Variants in IFNAR1 observed in about 807,000 individuals in gnomAD.
The protein encoded by IFNAR1 is interferon alpha and beta receptor subunit 1.
Under a neutral mutation model 62.1 loss-of-function variants are expected in IFNAR1, and 47 were observed. The ratio of observed to expected loss-of-function variants is 0.76; its 90% CI spans 0.60 to 0.97. The LOEUF (loss-of-function observed/expected upper bound fraction) is 0.97. IFNAR1 is among the 50% of genes least tolerant of loss of function. The pLI is 0.00. For missense variants in IFNAR1, 638 were observed against 654.5 expected (o/e 0.97, Z 0.27); for synonymous variants, 219 against 226.9 (o/e 0.97, Z 0.31).
rs1257542209 is a variant in IFNAR1, at chr21:33,359,509, G to C, written c.*3960G>C. The C allele has an allele frequency of 6.6e-6, 1 of 152,138 alleles. No homozygotes were observed. The highest frequency in any genetic ancestry group is 6.5e-5 in the Admixed American group (1 of 15,272). The allele number at this position is 152,138 out of a possible 1,614,324, so 9.4% of individuals were successfully genotyped here. ...AGCCTGTTTGCTGCTTTTTCTTCCC[G>C]CTCTTAAGACATGGCTGGAGCTCAG... On this transcript the variant is annotated 3_prime_UTR_variant, in exon 11 of 11. Coordinates refer to ENST00000270139, the MANE Select transcript of IFNAR1 (RefSeq NM_000629.3).
intron 1 of IFNAR1, among the ~76,000 whole-genome samples, chr21:33,331,028 G>A (rs1449639825): frequency 6.6e-6 from 1 of 152,178 alleles, no homozygotes; most frequent in Non-Finnish European, 1.5e-5. Context: ...ACTACTTCTG[G>A]AGTGTGTCTT....
chr21:33,347,538 A>G (rs1466214833), intron 6 of IFNAR1, among the ~76,000 whole-genome samples: 2 of 152,066 alleles, frequency 1.3e-5, no homozygotes, highest in African/African-American at 4.8e-5. Flanking sequence ...AAGTGCTGGG[A>G]TTAGAGGCAT....
At chr21:33,329,347 T>G (rs1458497911) in intron 1 of IFNAR1, among the ~76,000 whole-genome samples, 1 of 152,140 alleles carries the variant, frequency 6.6e-6, no homozygotes, top group Non-Finnish European at 1.5e-5. Flanking sequence ...AGAACCAAGT[T>G]AAGAATTCTA....
intron 1 of IFNAR1, among the ~76,000 whole-genome samples, chr21:33,332,672 A>G (rs2083192845): frequency 6.6e-6 from 1 of 152,230 alleles, no homozygotes; most frequent in South Asian, 2.1e-4. Flanking sequence ...AAATTAAAAC[A>G]TGATGAAAAA....
rs185424733 is a variant in IFNAR1, at chr21:33,345,379, A to G, written c.788+19A>G. 5.2e-6 allele frequency: 7 copies of G among 1,348,734 alleles called. No individual in the cohort carries two copies. In the African/African-American group the frequency reaches 1.0e-4, roughly 19 times the overall value. The allele number at this position is 1,348,734 out of a possible 1,614,324, so 83.5% of individuals were successfully genotyped here. A position where few individuals can be genotyped will look rare whatever the true frequency, so the allele number is the denominator to read the frequency against. On this transcript the variant is annotated intron_variant, in intron 6 of 10. Coordinates refer to ENST00000270139, the MANE Select transcript of IFNAR1 (RefSeq NM_000629.3). ...GGCTCCAGTAAGTTCCATTCCATAA[A>G]TTTCCTTTTGCCCAGTTTGTTTTGA...
At chr21:33,355,040 G>C (rs2083434267) in intron 10 of IFNAR1, among the ~76,000 whole-genome samples, 1 of 150,814 alleles carries the variant, frequency 6.6e-6, no homozygotes, top group Non-Finnish European at 1.5e-5. Flanking sequence ...GTCCTTTCCC[G>C]TGTTCTTCCC....
rs2083436169 is a variant in IFNAR1 at position 33,355,308 on chromosome 21, T to A, written c.1441-8T>A. 7.4e-7 allele frequency: 1 copy of A among 1,349,692 alleles called. No individual in the cohort carries two copies. Among genetic ancestry groups the A allele is most frequent in the African/African-American group, 1.5e-5 (1 of 67,956 alleles). The allele number at this position is 1,349,692 out of a possible 1,614,324, so 83.6% of individuals were successfully genotyped here. A position where few individuals can be genotyped will look rare whatever the true frequency, so the allele number is the denominator to read the frequency against. ...TTGATTTCTACTCTTTCCCTTTTTTTAAATTAGTATTTCTCTGAACAGCCA... is the reference window on the plus strand; with the variant it reads ...TTGATTTCTACTCTTTCCCTTTTTTAAAATTAGTATTTCTCTGAACAGCCA... On this transcript the variant is annotated splice_polypyrimidine_tract_variant and splice_region_variant and intron_variant, in intron 10 of 10. Coordinates refer to ENST00000270139, the MANE Select transcript of IFNAR1 (RefSeq NM_000629.3).
intron 1 of IFNAR1, chr21:33,334,850 A>G: frequency 1.9e-6 from 2 of 1,078,772 alleles, no homozygotes. Context: ...TGATATCACC[A>G]GTTATGATGC....
chr21:33,357,355 C>T lies in IFNAR1; in HGVS notation c.*1806C>T, dbSNP rs148638441. ...GATGCTCGGCACATCCTGCCTGGCA[C>T]ATACACGTGTCTGCAGGCCACACCG... On this transcript the variant is annotated 3_prime_UTR_variant, in exon 11 of 11. Transcript: ENST00000270139. 2.0e-5 allele frequency: 3 copies of T among 152,310 alleles called. No individual in the cohort carries two copies. Among genetic ancestry groups the T allele is most frequent in the East Asian group, 3.9e-4 (2 of 5,176 alleles). 9.4% of individuals were successfully genotyped at this position (152,310 alleles called of 1,614,324 possible).
chr21:33,340,733 A>G (rs1051518748), intron 2 of IFNAR1, among the ~76,000 whole-genome samples: 2 of 152,172 alleles, frequency 1.3e-5, no homozygotes, highest in African/African-American at 4.8e-5. Flanking sequence ...CCACAAAATT[A>G]TATAAAGAAC....
At chr21:33,343,246 A>G (rs779044975) in intron 3 of IFNAR1, 22 bp from the exon 4 acceptor site, 11 of 1,603,384 alleles carry the variant, frequency 6.9e-6, no homozygotes, top group Non-Finnish European at 9.4e-6. Flanking sequence ...GTTCCATAGT[A>G]ATTGTTTTGA....
intron 8 of IFNAR1, among the ~76,000 whole-genome samples, chr21:33,352,014 C>G (rs1227889406): frequency 6.6e-6 from 1 of 151,974 alleles, no homozygotes; most frequent in Non-Finnish European, 1.5e-5. Context: ...CTGGCGATAG[C>G]TGACTGATAC....
intron 1 of IFNAR1, among the ~76,000 whole-genome samples, chr21:33,328,965 T>A (rs1437881611): frequency 6.6e-6 from 1 of 151,946 alleles, no homozygotes; most frequent in Admixed American, 6.6e-5. Context: ...TATGAAAAAA[T>A]TATTAAAAGG....
intron 5 of IFNAR1, among the ~76,000 whole-genome samples, chr21:33,344,760 T>TTTTATTTATTTA (rs1568930667): frequency 6.5e-5 from 6 of 91,898 alleles, no homozygotes; most frequent in Middle Eastern, 5.8e-3. Context: ...ATTCTTTCTT[T>TTTTATTTATTTA]TTTACTTATT....
chr21:33,325,020 G>C lies in IFNAR1; in HGVS notation c.-36G>C, dbSNP rs144986404. ...CGGCTGAGAGGAGCTGCGCGTGCGC[G>C]AACATGTAACTGGTGGGATCTGCGG... On this transcript the variant is annotated 5_prime_UTR_variant, in exon 1 of 11. Coordinates refer to ENST00000270139, the MANE Select transcript of IFNAR1 (RefSeq NM_000629.3). 6.4e-7 allele frequency: 1 copy of C among 1,561,714 alleles called. No individual in the cohort carries two copies. Among genetic ancestry groups the C allele is most frequent in the East Asian group, 2.4e-5 (1 of 42,286 alleles).
At chr21:33,352,579 G>T (rs964874041) in intron 8 of IFNAR1, among the ~76,000 whole-genome samples, 179 bp from the exon 9 acceptor site, 1 of 151,942 alleles carries the variant, frequency 6.6e-6, no homozygotes, top group Non-Finnish European at 1.5e-5. Context: ...CTCTAGCCTG[G>T]GTGACAGAGC....
chr21:33,359,204 A>T lies in IFNAR1; in HGVS notation c.*3655A>T, dbSNP rs1277059460. On this transcript the variant is annotated 3_prime_UTR_variant, in exon 11 of 11. Transcript: ENST00000270139. ...TGTAGAAGGACATAACCGTGTTTTCAGTGTTTCTATGGAACAAACTTGTAC... is the reference window on the plus strand; with the variant it reads ...TGTAGAAGGACATAACCGTGTTTTCTGTGTTTCTATGGAACAAACTTGTAC... 1 of 152,196 alleles carries T rather than the reference A, an allele frequency of 6.6e-6. No homozygotes were observed. The highest frequency in any genetic ancestry group is 1.5e-5 in the Non-Finnish European group (1 of 68,026). 9.4% of individuals were successfully genotyped at this position (152,196 alleles called of 1,614,324 possible).
At position 33,355,418 on chromosome 21, in the gene IFNAR1, G is replaced by A. The variant is rs778182995; in HGVS notation, c.1543G>A (p.Glu515Lys). 36 of 1,597,922 alleles carry A rather than the reference G, an allele frequency of 2.3e-5. No individual in the cohort carries two copies. Among genetic ancestry groups the A allele is most frequent in the African/African-American group, 5.4e-5 (4 of 74,456 alleles). The change falls in exon 11 of 11, where the codon GAA (glutamate) becomes AAA (lysine). Residue 515 changes from glutamate (E) to lysine (K), a missense_variant. Coordinates refer to ENST00000270139, the MANE Select transcript of IFNAR1 (RefSeq NM_000629.3). ...AAATATAAGCACAATTGCTACAGTA[G>A]AAGAAACTAATCAAACTGATGAAGA... ...IENISTIATV[E>K]ETNQTDEDHK...
chr21:33,325,367 C>T (rs2123646391), intron 1 of IFNAR1, among the ~76,000 whole-genome samples: 1 of 152,322 alleles, frequency 6.6e-6, no homozygotes, highest in Non-Finnish European at 1.5e-5. Flanking sequence ...CGGGAGCGCC[C>T]GGGTCCCACC....
Sources: allele counts gnomAD v4.1 joint callset (sites outside exome capture counted in the v4.1 genomes callset), GRCh38; gene constraint gnomAD v4.1.1; transcripts MANE v1.5; gene names NCBI Gene and HGNC (gene_info 2026-07-23, HGNC 2026-07-21).